SLC25A37: variants seen among roughly 807,000 people sequenced by gnomAD.
SLC25A37 encodes the protein solute carrier family 25 member 37, also known as mitoferrin-1.
A neutral mutation model predicts 31.0 loss-of-function variants in SLC25A37; 17 were observed. That is an observed-to-expected ratio of 0.55 (90% confidence interval 0.38 to 0.82). The LOEUF is 0.82. Among genes scored for constraint, SLC25A37 ranks in the 40% least tolerant of loss-of-function variants. SLC25A37 has a pLI of 0.00. For synonymous variants in SLC25A37, 222 were observed against 193.0 expected (o/e 1.15, Z -1.24); for missense variants, 404 against 465.8 (o/e 0.87, Z 1.22).
rs1801631079 is a variant in SLC25A37, at chr8:23,529,926, C to T, written c.210+714C>T. Among the ~76,000 whole-genome samples the T allele has an allele frequency of 6.6e-6, 1 of 152,078 alleles. No individual in the cohort carries two copies. Among genetic ancestry groups the T allele is most frequent in the Non-Finnish European group, 1.5e-5 (1 of 68,030 alleles). ...GGTGGGTGGGCTTGTGCCTTACAGC[C>T]CTTGCTGTGGATTGTGTGAGAGGCA... is the stretch of plus-strand genomic sequence containing the variant. On this transcript the variant is annotated intron_variant, in intron 1 of 3. Transcript: ENST00000519973. The surrounding 1 kb of genome is among the most constrained non-coding windows in gnomAD (Gnocchi z 4.1).
intron 1 of SLC25A37, among the ~76,000 whole-genome samples, chr8:23,549,066 G>A (rs1802151390): frequency 6.6e-6 from 1 of 152,270 alleles, no homozygotes; most frequent in South Asian, 2.1e-4. Context: ...GGCATTTAGA[G>A]TTTGGAATTT....
chr8:23,535,756 A>G (rs890818319), intron 1 of SLC25A37, among the ~76,000 whole-genome samples: 4 of 152,232 alleles, frequency 2.6e-5, no homozygotes, highest in African/African-American at 9.6e-5. Context: ...CAAAAGGCAC[A>G]TCTTACATGG....
At chr8:23,571,292 C>T (rs746905514) in intron 3 of SLC25A37, 43 bp from the exon 4 acceptor site, 37 of 1,491,998 alleles carry the variant, frequency 2.5e-5, no homozygotes, top group Non-Finnish European at 3.2e-5. Flanking sequence ...AACCCACTGC[C>T]CACTGGCTGT....
chr8:23,570,700 A>G (rs1017673389), intron 3 of SLC25A37, among the ~76,000 whole-genome samples: 1 of 152,116 alleles, frequency 6.6e-6, no homozygotes, highest in Admixed American at 6.5e-5. Flanking sequence ...CATTGTATGT[A>G]TTTATTTGGC....
chr8:23,566,183 C>A lies in SLC25A37; in HGVS notation c.286C>A (p.Arg96=). 1.9e-6 allele frequency: 3 copies of A among 1,605,716 alleles called. No homozygotes were observed. The highest frequency in any genetic ancestry group is 2.5e-6 in the Non-Finnish European group (3 of 1,176,994). ...SIYGALKKIM[R]TEGFWRPLRG... ...CTACGGAGCCCTCAAGAAAATCATGCGGACCGAAGGCTTCTGGAGGCCCTT... is the reference window on the plus strand; with the variant it reads ...CTACGGAGCCCTCAAGAAAATCATGAGGACCGAAGGCTTCTGGAGGCCCTT... The change falls in exon 2 of 4, where the codon CGG becomes AGG. Residue 96 remains arginine (R), a synonymous_variant. Transcript: ENST00000519973.
rs774537296 is a variant in SLC25A37, at chr8:23,529,040, T to C, written c.38T>C (p.Val13Ala). 2.6e-6 allele frequency: 4 copies of C among 1,557,208 alleles called. No individual in the cohort carries two copies. The highest frequency in any genetic ancestry group is 1.4e-5 in the African/African-American group (1 of 72,176). ...AGCGGGAGCGTGGGCAGCCAGGCGG[T>C]GGCGCGGAGGATGGATGGGGACAGC... ...LRSGSVGSQAVARRMDGDSRD... is the reference protein window; with the variant it reads ...LRSGSVGSQAAARRMDGDSRD... Residue 13 changes from valine (V) to alanine (A), a missense_variant, in exon 1 of 4, where the codon GTG (valine) becomes GCG (alanine). Transcript: ENST00000519973. This position sits in a 1 kb window ranked among gnomAD's most constrained non-coding sequence, Gnocchi z 4.1.
chr8:23,546,766 GA>G (rs34212345), intron 1 of SLC25A37, among the ~76,000 whole-genome samples: 2 of 151,132 alleles, frequency 1.3e-5, no homozygotes, highest in Non-Finnish European at 2.9e-5. Flanking sequence ...AAAATCACAA[GA>G]AAAAAATTCA....
intron 1 of SLC25A37, chr8:23,541,597 A>C (rs1459126480): frequency 6.6e-6 from 1 of 152,266 alleles, no homozygotes; most frequent in African/African-American, 2.4e-5. Context: ...CAGAACATGG[A>C]GAGAGAGGTT....
At chr8:23,552,014 T>A (rs1321564389) in intron 1 of SLC25A37, among the ~76,000 whole-genome samples, 1 of 152,202 alleles carries the variant, frequency 6.6e-6, no homozygotes, top group Middle Eastern at 3.2e-3. Context: ...ATTTAGCCAT[T>A]TTCTTCTGTA....
At chr8:23,546,863 A>G (rs1288719322) in intron 1 of SLC25A37, among the ~76,000 whole-genome samples, 2 of 151,922 alleles carry the variant, frequency 1.3e-5, no homozygotes, top group African/African-American at 4.8e-5. Context: ...AGGAGTTAGA[A>G]CTGTAATTTG....
intron 1 of SLC25A37, among the ~76,000 whole-genome samples, chr8:23,547,039 A>T (rs1459647413): frequency 6.6e-6 from 1 of 152,182 alleles, no homozygotes. Context: ...TTGTTTTCAA[A>T]TTCCCTTGAG....
chr8:23,571,794 T>G lies in SLC25A37; in HGVS notation c.956T>G (p.Val319Gly). 1.2e-6 allele frequency: 2 copies of G among 1,613,910 alleles called. No homozygotes were observed. The highest frequency in any genetic ancestry group is 1.7e-6 in the Non-Finnish European group (2 of 1,179,780). The change falls in exon 4 of 4, where the codon GTC (valine) becomes GGC (glycine). Residue 319 changes from valine (V) to glycine (G), a missense_variant. Val to Gly is a moderately radical substitution (Grantham distance 109). This residue lies in a region of SLC25A37 where 243 missense variants were observed against 284.4 expected (regional missense o/e 0.85). Transcript: ENST00000519973. ...QMPSTAISWSVYEFFKYFLTK... is the reference protein window; with the variant it reads ...QMPSTAISWSGYEFFKYFLTK... Reference sequence around the variant, plus strand: ...CCCTCCACCGCCATTTCTTGGTCTGTCTATGAGTTCTTCAAGTACTTTCTC... The same window carrying G: ...CCCTCCACCGCCATTTCTTGGTCTGGCTATGAGTTCTTCAAGTACTTTCTC...
At chr8:23,539,037 AG>A (rs1801835161) in intron 1 of SLC25A37, among the ~76,000 whole-genome samples, 1 of 152,178 alleles carries the variant, frequency 6.6e-6, no homozygotes, top group Non-Finnish European at 1.5e-5. Context: ...GGCTCACAGA[AG>A]GTGCTCTTGA....
intron 1 of SLC25A37, among the ~76,000 whole-genome samples, chr8:23,563,854 G>A (rs1802579168): frequency 6.6e-6 from 1 of 152,018 alleles, no homozygotes; most frequent in South Asian, 2.1e-4. Context: ...GGTGGAGGGC[G>A]CCTGTAATCC....
At chr8:23,558,573 GTT>G (rs1489611839) in intron 1 of SLC25A37, among the ~76,000 whole-genome samples, 1 of 152,224 alleles carries the variant, frequency 6.6e-6, no homozygotes, top group African/African-American at 2.4e-5. Flanking sequence ...GGCCTTTCCT[GTT>G]TTGTCATCTT....
intron 3 of SLC25A37, among the ~76,000 whole-genome samples, chr8:23,570,306 T>C (rs1341260630): frequency 1.3e-5 from 2 of 152,034 alleles, no homozygotes; most frequent in Non-Finnish European, 2.9e-5. Context: ...AGAGATGTGA[T>C]GTCCTTAAGT....
chr8:23,570,364 C>T (rs1585206353), intron 3 of SLC25A37, among the ~76,000 whole-genome samples: 1 of 126,796 alleles, frequency 7.9e-6, no homozygotes, highest in Non-Finnish European at 1.6e-5. Flanking sequence ...GCGTTCAAGA[C>T]AGTGTTTTGG....
Position 23,528,962 on chromosome 8 carries a change from G to T in SLC25A37, c.-41G>T. The T allele has an allele frequency of 7.1e-7, 1 of 1,413,430 alleles. No homozygotes were observed. 87.6% of individuals were successfully genotyped at this position (1,413,430 alleles called of 1,614,324 possible). On this transcript the variant is annotated 5_prime_UTR_variant, in exon 1 of 4. Coordinates refer to ENST00000519973, the MANE Select transcript of SLC25A37 (RefSeq NM_016612.4). Reference sequence around the variant, plus strand: ...AAGTTTTGCGCCCCTCCCCCTCCCTGCCCACCTCCTGCAGCCTCCTGCGCC... The same window carrying T: ...AAGTTTTGCGCCCCTCCCCCTCCCTTCCCACCTCCTGCAGCCTCCTGCGCC...
chr8:23,534,643 A>G (rs1210800921), intron 1 of SLC25A37, among the ~76,000 whole-genome samples: 1 of 152,164 alleles, frequency 6.6e-6, no homozygotes, highest in Non-Finnish European at 1.5e-5. Context: ...TTGAGTCCAA[A>G]TCCCTGGACC....
Sources: gnomAD v4.1 joint callset for allele counts (sites outside exome capture counted in the v4.1 genomes callset) on GRCh38, gnomAD v4.1.1 for gene constraint, gnomAD v4.1.1 regional missense constraint, Gnocchi (gnomAD v3.1) non-coding constraint, MANE v1.5 for transcripts, NCBI Gene and HGNC (gene_info 2026-07-23, HGNC 2026-07-21) for gene names.